LONP2: variants seen among roughly 807,000 people sequenced by gnomAD.
The protein encoded by LONP2 is lon protease homolog 2, peroxisomal.
A neutral mutation model predicts 85.6 loss-of-function variants in LONP2; 60 were observed. That is an observed-to-expected ratio of 0.70 (90% CI 0.57 to 0.87). The LOEUF (loss-of-function observed/expected upper bound fraction) is 0.87. Ranked by LOEUF, LONP2 falls within the 40% of genes least tolerant of loss-of-function variation. The probability of loss-of-function intolerance (pLI) is 0.00; values close to 1 mark genes in which losing one functional copy is unlikely to be tolerated. For synonymous variants in LONP2, 395 were observed against 389.7 expected (o/e 1.01, Z -0.16); for missense variants, 860 against 1,063.5 (o/e 0.81, Z 2.66).
At chr16:48,303,644 G>A (rs1972853898) in intron 11 of LONP2, among the ~76,000 whole-genome samples, 1 of 152,134 alleles carries the variant, frequency 6.6e-6, no homozygotes, top group African/African-American at 2.4e-5. Flanking sequence ...ACATGGTGAA[G>A]TCCCACAATA....
At chr16:48,330,148 T>C (rs755852788) in intron 11 of LONP2, among the ~76,000 whole-genome samples, 6 of 152,262 alleles carry the variant, frequency 3.9e-5, no homozygotes, top group Non-Finnish European at 8.8e-5. Context: ...TACTAGTTAT[T>C]TTGGTAACCG....
intron 12 of LONP2, among the ~76,000 whole-genome samples, chr16:48,340,851 G>A (rs1959788733): frequency 6.6e-6 from 1 of 152,124 alleles, no homozygotes; most frequent in Non-Finnish European, 1.5e-5. Flanking sequence ...AGAAGGTTGA[G>A]GCTGCAGTGA....
At position 48,347,642 on chromosome 16, in the gene LONP2, G is replaced by A. The variant is rs1960010274; in HGVS notation, c.2074G>A (p.Val692Met). ...AACTCTGACCGGCCAGCTCGGGGAC[G>A]TGATGAAGGAGTCCGCCCACCTCGC... Reference protein sequence around the residue: ...QLTLTGQLGDVMKESAHLAIS... With the variant: ...QLTLTGQLGDMMKESAHLAIS... Residue 692 changes from valine (V) to methionine (M), a missense_variant, in exon 13 of 15, where the codon GTG (valine) becomes ATG (methionine). Physicochemically the swap from Val to Met is conservative, Grantham distance 21 (BLOSUM62 1). Coordinates refer to ENST00000285737, the MANE Select transcript of LONP2 (RefSeq NM_031490.5). 6.2e-7 allele frequency: 1 copy of A among 1,614,234 alleles called. No individual in the cohort carries two copies. The highest frequency in any genetic ancestry group is 8.5e-7 in the Non-Finnish European group (1 of 1,180,044).
intron 8 of LONP2, among the ~76,000 whole-genome samples, chr16:48,283,769 A>T (rs1385556840): frequency 6.6e-6 from 1 of 152,192 alleles, no homozygotes; most frequent in Non-Finnish European, 1.5e-5. Context: ...CAGCCCATGG[A>T]TCAAGGAGTT....
intron 12 of LONP2, among the ~76,000 whole-genome samples, chr16:48,339,436 G>C (rs1959752255): frequency 6.6e-6 from 1 of 152,222 alleles, no homozygotes; most frequent in South Asian, 2.1e-4. Flanking sequence ...GGAGTATGTT[G>C]AAGAGAGAAT....
chr16:48,250,277 TC>T (rs1971604117), intron 1 of LONP2, among the ~76,000 whole-genome samples: 1 of 151,066 alleles, frequency 6.6e-6, no homozygotes, highest in African/African-American at 2.4e-5. Flanking sequence ...GGTCAAGAGA[TC>T]GAGATCATCC....
chr16:48,288,728 T>A (rs1972501186), intron 8 of LONP2, among the ~76,000 whole-genome samples: 1 of 152,084 alleles, frequency 6.6e-6, no homozygotes, highest in Non-Finnish European at 1.5e-5. Context: ...AGGGGCCCAC[T>A]CTTACCTTCA....
Position 48,362,441 on chromosome 16 carries a change from T to C in LONP2, c.*578T>C. On this transcript the variant is annotated 3_prime_UTR_variant, in exon 5 of 5. Coordinates refer to the LONP2 transcript ENST00000565867. The surrounding 1 kb of genome is among the most constrained non-coding windows in gnomAD (Gnocchi z 4.2). The stretch of plus-strand genomic sequence containing the variant: ...TCTGACGGCTCATTTCTGAAATAAA[T>C]ACATAAGGAGGCAGGAGAAAAATAA... 1 of 1,613,316 alleles carries C rather than the reference T, an allele frequency of 6.2e-7. No individual in the cohort carries two copies. Among genetic ancestry groups the C allele is most frequent in the African/African-American group, 1.3e-5 (1 of 75,000 alleles).
intron 8 of LONP2, among the ~76,000 whole-genome samples, chr16:48,281,684 G>A (rs1972331324): frequency 6.6e-6 from 1 of 152,056 alleles, no homozygotes; most frequent in African/African-American, 2.4e-5. Context: ...GTCTTTATAG[G>A]CAATAATATT....
intron 8 of LONP2, among the ~76,000 whole-genome samples, chr16:48,277,807 C>T (rs74016386): frequency 0.014 from 2,073 of 151,818 alleles, 46 homozygotes; most frequent in African/African-American, 0.047. Context: ...TGGGGTCCCC[C>T]ATGCCTTCTT....
chr16:48,334,514 C>A, intron 12 of LONP2, 156 bp downstream of exon 12: 1 of 878,298 alleles, frequency 1.1e-6, no homozygotes, highest in South Asian at 1.4e-5. Context: ...GGTGTGGCCG[C>A]ACTTCTTGCA....
rs116778137 is a variant in LONP2, at chr16:48,357,046, A to G, written c.*5244A>G. On this transcript the variant is annotated 3_prime_UTR_variant, in exon 15 of 15. Coordinates refer to ENST00000285737, the MANE Select transcript of LONP2 (RefSeq NM_031490.5). ...ATTTCTTTGTCAAGTTTCTAGAGCT[A>G]TATAAGGATAGCGAAAATATTTGGT... is the stretch of plus-strand genomic sequence containing the variant. 1,363 of 152,920 alleles carry G rather than the reference A, an allele frequency of 8.9e-3. 26 individuals carry two copies. The highest frequency in any genetic ancestry group is 0.031 in the African/African-American group (1,300 of 41,600). 9.5% of individuals were successfully genotyped at this position (152,920 alleles called of 1,614,324 possible). A position where few individuals can be genotyped will look rare whatever the true frequency, so the allele number is the denominator to read the frequency against.
chr16:48,294,204 G>A (rs1972619844), intron 8 of LONP2, among the ~76,000 whole-genome samples: 1 of 152,138 alleles, frequency 6.6e-6, no homozygotes, highest in Admixed American at 6.5e-5. Context: ...GCCTCCCAAA[G>A]TACTTGGATT....
intron 11 of LONP2, among the ~76,000 whole-genome samples, chr16:48,325,874 A>G (rs1037954141): frequency 7.2e-5 from 11 of 152,224 alleles, no homozygotes; most frequent in African/African-American, 2.4e-5. Flanking sequence ...TCCAGCCACC[A>G]GTGTGTAAGA....
rs1397039291 is a variant in LONP2 at position 48,303,239 on chromosome 16, G to A, written c.1729G>A (p.Val577Met). 5 of 1,614,162 alleles carry A rather than the reference G, an allele frequency of 3.1e-6. No homozygotes were observed. Among genetic ancestry groups the A allele is most frequent in the African/African-American group, 2.7e-5 (2 of 75,040 alleles). ...TGGGGCCATTTGCCGAGCTGTGGCCGTGAAGGTGGCAGAAGGACAGCATAA... is the reference window on the plus strand; with the variant it reads ...TGGGGCCATTTGCCGAGCTGTGGCCATGAAGGTGGCAGAAGGACAGCATAA... ...KLGAICRAVA[V>M]KVAEGQHKEA... is the part of the protein sequence containing the mutation. Residue 577 changes from valine (V) to methionine (M), a missense_variant, in exon 11 of 15, where the codon GTG becomes ATG. Around this residue, in one of 3 missense-constraint regions of LONP2, gnomAD observed 743 missense variants for 917.3 expected, o/e 0.81. Coordinates refer to ENST00000285737, the MANE Select transcript of LONP2 (RefSeq NM_031490.5).
intron 7 of LONP2, among the ~76,000 whole-genome samples, chr16:48,272,762 A>C (rs1037883711): frequency 1.3e-5 from 2 of 152,168 alleles, no homozygotes; most frequent in South Asian, 4.1e-4. Context: ...TACTATAGCA[A>C]CCTGCCCTTG....
At chr16:48,332,105 C>G (rs536618310) in intron 11 of LONP2, among the ~76,000 whole-genome samples, 11 of 152,292 alleles carry the variant, frequency 7.2e-5, no homozygotes, top group African/African-American at 2.4e-4. Context: ...TTTAGTGACA[C>G]TCAGGATGTC....
At position 48,262,277 on chromosome 16, in the gene LONP2, CA is replaced by C. The variant is rs202055206; in HGVS notation, c.888-492del. On this transcript the variant is annotated intron_variant, in intron 5 of 14. Transcript: ENST00000285737. ...GAGCAGACCTCACTCATCTCTGATA[CA>C]AAAAAAAATGTATTGTATTATGCAT... 4.2e-3 allele frequency among the ~76,000 whole-genome samples: 639 copies of C among 150,816 alleles called. 1 individual carries two copies. The highest frequency in any genetic ancestry group is 7.1e-3 in the Non-Finnish European group (483 of 67,652).
chr16:48,244,613 G>T lies in LONP2; in HGVS notation c.225G>T (p.Pro75=), dbSNP rs1465634632. ...DPASDAQDLP[P]LHRIGTAALA... ...CCAGCGACGCGCAGGACCTGCCGCC[G>T]CTGCACAGGTAGGCCTGGCTGCCCC... Residue 75 remains proline, a synonymous_variant, in exon 1 of 15, where the codon CCG becomes CCT. Coordinates refer to ENST00000285737, the MANE Select transcript of LONP2 (RefSeq NM_031490.5). 6.8e-7 allele frequency: 1 copy of T among 1,467,220 alleles called. No homozygotes were observed. Among genetic ancestry groups the T allele is most frequent in the Non-Finnish European group, 9.0e-7 (1 of 1,111,976 alleles). 90.9% of individuals were successfully genotyped at this position (1,467,220 alleles called of 1,614,324 possible). A position where few individuals can be genotyped will look rare whatever the true frequency, so the allele number is the denominator to read the frequency against.
Sources: allele counts gnomAD v4.1 joint callset (sites outside exome capture counted in the v4.1 genomes callset), GRCh38; gene constraint gnomAD v4.1.1; regional missense constraint gnomAD v4.1.1; non-coding constraint Gnocchi (gnomAD v3.1); transcripts MANE v1.5; gene names NCBI Gene and HGNC (gene_info 2026-07-23, HGNC 2026-07-21).